Variants in MTMR10 observed in about 807,000 individuals in gnomAD.
MTMR10 encodes myotubularin related protein 10.
Under a neutral mutation model 88.1 loss-of-function variants are expected in MTMR10, and 56 were observed. The ratio of observed to expected loss-of-function variants is 0.64; its 90% CI spans 0.51 to 0.79. The LOEUF (loss-of-function observed/expected upper bound fraction) is 0.79. Ranked by LOEUF, MTMR10 falls within the 30% of genes least tolerant of loss-of-function variation. The pLI, the probability that MTMR10 is intolerant of heterozygous loss-of-function variation, is 0.00. For synonymous variants in MTMR10, 380 were observed against 340.9 expected (o/e 1.11, Z -1.26); for missense variants, 883 against 924.7 (o/e 0.95, Z 0.58).
chr15:30,944,013 T>C, intron 14 of MTMR10: 1 of 984,968 alleles, frequency 1.0e-6, no homozygotes, highest in Non-Finnish European at 1.2e-6. Flanking sequence ...ACTCTCCAAA[T>C]TTTCTACCAA....
chr15:30,938,183 CA>C (rs202231365), downstream of MTMR10, among the ~76,000 whole-genome samples: 62 of 132,838 alleles, frequency 4.7e-4, no homozygotes, highest in Non-Finnish European at 3.1e-4. Context: ...GACTCTGTCT[CA>C]AAAAAAAAAA....
At chr15:30,946,681 G>A (rs2063175771) in intron 14 of MTMR10, 1 of 698,426 alleles carries the variant, frequency 1.4e-6, no homozygotes, top group South Asian at 1.5e-5. Flanking sequence ...TTGAGACCCT[G>A]CTTAGTCATA....
intron 2 of MTMR10, among the ~76,000 whole-genome samples, chr15:30,979,766 G>A (rs944900870): frequency 6.6e-6 from 1 of 152,202 alleles, no homozygotes. Context: ...ACTGATGCAC[G>A]AATGTTAACG....
the MTMR10 span, chr15:30,922,298 C>G: frequency 3.5e-5 from 56 of 1,613,754 alleles, no homozygotes; most frequent in Non-Finnish European, 4.7e-5. Context: ...CAGCAGAGGC[C>G]GATGGTGGGA....
At chr15:30,980,819 T>C (rs543159136) in intron 2 of MTMR10, among the ~76,000 whole-genome samples, 2 of 152,226 alleles carry the variant, frequency 1.3e-5, no homozygotes, top group Admixed American at 6.5e-5. Flanking sequence ...TGGCCAAAGC[T>C]GGAACAATCT....
chr15:30,922,905 C>A, the MTMR10 span, among the ~76,000 whole-genome samples: 1 of 152,220 alleles, frequency 6.6e-6, no homozygotes, highest in South Asian at 2.1e-4. Flanking sequence ...TCTAGGGGCA[C>A]TTGGAAGCAC....
intron 7 of MTMR10, 36 bp downstream of exon 7, chr15:30,960,845 T>G (rs1411161946): frequency 1.3e-6 from 2 of 1,503,930 alleles, no homozygotes; most frequent in Non-Finnish European, 1.8e-6. Flanking sequence ...GGAAGTGACT[T>G]CCAGCCATAT....
intron 9 of MTMR10, 43 bp downstream of exon 9, chr15:30,958,820 C>T: frequency 6.3e-7 from 1 of 1,586,920 alleles, no homozygotes; most frequent in Non-Finnish European, 8.7e-7. Context: ...AGTTACACAA[C>T]AAGTAAAACT....
chr15:30,991,336 G>C (rs920635479), intron 1 of MTMR10, 111 bp downstream of exon 1: 2 of 1,118,334 alleles, frequency 1.8e-6, no homozygotes, highest in South Asian at 2.1e-5. Flanking sequence ...CGCTGCTGTG[G>C]GCAGGGAGAC....
intron 2 of MTMR10, among the ~76,000 whole-genome samples, chr15:30,986,567 G>T (rs551130699): frequency 6.6e-6 from 1 of 152,052 alleles, no homozygotes; most frequent in Non-Finnish European, 1.5e-5. Flanking sequence ...AACAAAAAAA[G>T]TATCTATTCC....
chr15:30,954,941 A>C, intron 9 of MTMR10, 48 bp from the exon 10 acceptor site: 2 of 1,475,038 alleles, frequency 1.4e-6, no homozygotes, highest in Non-Finnish European at 1.8e-6. Context: ...ATTTCAGCAT[A>C]TATTTATTTA....
At chr15:30,932,606 G>A in the MTMR10 span, among the ~76,000 whole-genome samples, 1 of 151,686 alleles carries the variant, frequency 6.6e-6, no homozygotes, top group Non-Finnish European at 1.5e-5. Context: ...ACATAAGGCT[G>A]TTCATATTAT....
chr15:30,942,322 C>T, intron 15 of MTMR10: 1 of 548,080 alleles, frequency 1.8e-6, no homozygotes, highest in Non-Finnish European at 3.2e-6. Context: ...CTCCTATCCA[C>T]TAATTTGCTT....
At position 30,940,276 on chromosome 15, in the gene MTMR10, A is replaced by ACTT; in HGVS notation, c.*1191_*1193dup. Reference sequence around the variant, plus strand: ...GGCTCTTGTCACACAGTTTGGAAATACTTTACTTTAGAGAGATTCAGATCA... The same window carrying ACTT: ...GGCTCTTGTCACACAGTTTGGAAATACTTCTTTACTTTAGAGAGATTCAGATCA... On this transcript the variant is annotated 3_prime_UTR_variant, in exon 16 of 16. Coordinates refer to ENST00000435680, the MANE Select transcript of MTMR10 (RefSeq NM_017762.3). 2.2e-6 allele frequency: 1 copy of ACTT among 456,838 alleles called. No individual in the cohort carries two copies. Among genetic ancestry groups the ACTT allele is most frequent in the Non-Finnish European group, 2.7e-6 (1 of 365,006 alleles). The allele number at this position is 456,838 out of a possible 1,614,324, so 28.3% of individuals were successfully genotyped here.
chr15:30,942,003 A>C lies in MTMR10; in HGVS notation c.1801T>G (p.Leu601Val), dbSNP rs1320603532. 1 of 1,613,804 alleles carries C rather than the reference A, an allele frequency of 6.2e-7. No homozygotes were observed. Among genetic ancestry groups the C allele is most frequent in the African/African-American group, 1.3e-5 (1 of 75,032 alleles). ...LKNGIISDQE[L>V]LPRRNSLILK... The stretch of plus-strand genomic sequence containing the variant: ...ATCAATGAATTTCTCCTTGGAAGTA[A>C]TTCTTGGTCACTGATGATTCCATTC... Residue 601 changes from leucine (L) to valine (V), a missense_variant, in exon 16 of 16, where the codon TTA becomes GTA. Leu to Val is a conservative substitution (Grantham distance 32, BLOSUM62 1). Coordinates refer to ENST00000435680, the MANE Select transcript of MTMR10 (RefSeq NM_017762.3).
chr15:30,984,934 T>C (rs912859012), intron 2 of MTMR10, among the ~76,000 whole-genome samples: 1 of 152,140 alleles, frequency 6.6e-6, no homozygotes, highest in African/African-American at 2.4e-5. Flanking sequence ...CTCTTACTAC[T>C]TTTTCTCTCC....
At chr15:30,978,898 AAT>A (rs35430262) in intron 2 of MTMR10, among the ~76,000 whole-genome samples, 3 of 150,428 alleles carry the variant, frequency 2.0e-5, no homozygotes, top group Non-Finnish European at 1.5e-5. Context: ...AAGATGACCA[AAT>A]ATATATATAT....
the MTMR10 span, chr15:30,922,376 C>T: frequency 4.6e-5 from 73 of 1,576,422 alleles, no homozygotes; most frequent in Non-Finnish European, 6.1e-5. Context: ...CAAAACATAT[C>T]TGAAACACCT....
chr15:30,972,244 A>G (rs1298688117), intron 5 of MTMR10, among the ~76,000 whole-genome samples: 1 of 152,186 alleles, frequency 6.6e-6, no homozygotes, highest in Admixed American at 6.6e-5. Context: ...GAAATAAAAG[A>G]ATATGCCATA....
Sources: allele counts gnomAD v4.1 joint callset (sites outside exome capture counted in the v4.1 genomes callset), GRCh38; gene constraint gnomAD v4.1.1; transcripts MANE v1.5; gene names NCBI Gene and HGNC (gene_info 2026-07-23, HGNC 2026-07-21).